TLK2: variants seen among roughly 807,000 people sequenced by gnomAD.
TLK2 encodes serine/threonine-protein kinase tousled-like 2.
In TLK2, 6 loss-of-function variants were observed where a neutral mutation model predicts 117.3. The ratio of observed to expected loss-of-function variants is 0.05; its 90% CI spans 0.03 to 0.10. The LOEUF (loss-of-function observed/expected upper bound fraction) is 0.10. Ranked by LOEUF, TLK2 falls within the 10% of genes least tolerant of loss-of-function variation. The pLI is 1.00. For synonymous variants in TLK2, 257 were observed against 316.7 expected (o/e 0.81, Z 2.00); for missense variants, 299 against 901.2 (o/e 0.33, Z 8.56).
At chr17:62,593,153 A>G (rs1808830556) in intron 16 of TLK2, among the ~76,000 whole-genome samples, 1 of 152,178 alleles carries the variant, frequency 6.6e-6, no homozygotes, top group Admixed American at 6.5e-5. Context: ...TGTGTTACTA[A>G]TTGTGTATCT....
At chr17:62,498,652 A>G (rs2073929333) in intron 2 of TLK2, among the ~76,000 whole-genome samples, 1 of 152,060 alleles carries the variant, frequency 6.6e-6, no homozygotes, top group African/African-American at 2.4e-5. Flanking sequence ...TGGCCTCCCA[A>G]AGTGCTGGGA....
intron 1 of TLK2, among the ~76,000 whole-genome samples, chr17:62,471,886 G>GTTTTTTT (rs1179717599): frequency 7.7e-5 from 3 of 38,996 alleles, no homozygotes; most frequent in African/African-American, 1.5e-4. Flanking sequence ...AGGTAGTATA[G>GTTTTTTT]TCTTTTTTTT....
At chr17:62,502,527 A>G (rs2074291917) in intron 2 of TLK2, among the ~76,000 whole-genome samples, 1 of 152,228 alleles carries the variant, frequency 6.6e-6, no homozygotes. Context: ...AACATGTTCC[A>G]AAGGTCCTAG....
intron 16 of TLK2, among the ~76,000 whole-genome samples, chr17:62,591,460 A>G (rs2082077658): frequency 6.6e-6 from 1 of 152,084 alleles, no homozygotes; most frequent in Admixed American, 6.5e-5. Flanking sequence ...CAAAACATCC[A>G]GTCCAGTGGT....
chr17:62,561,540 A>G (rs2079277325), intron 10 of TLK2, among the ~76,000 whole-genome samples: 1 of 152,204 alleles, frequency 6.6e-6, no homozygotes, highest in Non-Finnish European at 1.5e-5. Context: ...AGAAGACAGT[A>G]CTTCCTAATG....
chr17:62,502,029 A>ATTTTTTTTTTTTTTTTTT (rs371212708), intron 2 of TLK2, among the ~76,000 whole-genome samples: 75 of 137,424 alleles, frequency 5.5e-4, no homozygotes, highest in African/African-American at 1.8e-3. Context: ...AAAAATACCA[A>ATTTTTTTTTTTTTTTTTT]TTTTTTTTTT....
In TLK2 at chr17:62,564,707, T is replaced by TAA. The variant is rs373536254; in HGVS notation, c.832-284_832-283dup. Among the ~76,000 whole-genome samples, 13 of 143,084 alleles carry TAA rather than the reference T, an allele frequency of 9.1e-5. No individual in the cohort carries two copies. In the South Asian group the frequency reaches 2.2e-3, roughly 25 times the overall value. 93.9% of individuals were successfully genotyped at this position (143,084 alleles called of 152,430 possible). A position where few individuals can be genotyped will look rare whatever the true frequency, so the allele number is the denominator to read the frequency against. ...TGGGTGATAGAGCAAGACTCTGTCT[T>TAA]AAAAAAAAAAACAAACAAAAAACCA... On this transcript the variant is annotated intron_variant, in intron 10 of 21. Transcript: ENST00000346027.
chr17:62,548,240 A>ATGTGTGTGTGTGTGTG (rs59375141), intron 7 of TLK2, among the ~76,000 whole-genome samples: 258 of 121,288 alleles, frequency 2.1e-3, no homozygotes, highest in African/African-American at 5.5e-3. Context: ...ATATATATAT[A>ATGTGTGTGTGTGTGTG]TGTGTGTGTG....
At chr17:62,590,757 G>T (rs971493709) in intron 16 of TLK2, among the ~76,000 whole-genome samples, 1 of 152,158 alleles carries the variant, frequency 6.6e-6, no homozygotes, top group Non-Finnish European at 1.5e-5. Flanking sequence ...GGGATTACAG[G>T]CATGAGCCAC....
chr17:62,481,352 C>T lies in TLK2; in HGVS notation c.81+146C>T, dbSNP rs2071623014. The T allele has an allele frequency of 5.1e-6, 4 of 776,878 alleles. No homozygotes were observed. The South Asian group carries it at 5.2e-5, about 10-fold the overall frequency. 48.1% of individuals were successfully genotyped at this position (776,878 alleles called of 1,614,324 possible). A position where few individuals can be genotyped will look rare whatever the true frequency, so the allele number is the denominator to read the frequency against. On this transcript the variant is annotated intron_variant, in intron 2 of 21. Coordinates refer to ENST00000346027, the MANE Select transcript of TLK2 (RefSeq NM_006852.6). ...AATTTCAGTGAACTTTTAGATCCTA[C>T]TGGTCATTCCAGTAGTCATTTAACA...
intron 16 of TLK2, among the ~76,000 whole-genome samples, chr17:62,588,498 T>C (rs926248132): frequency 1.3e-5 from 2 of 152,222 alleles, no homozygotes; most frequent in South Asian, 2.1e-4. Flanking sequence ...CAGGCTGGCA[T>C]TGGTGCCTTT....
At chr17:62,500,444 G>A (rs569562924) in intron 2 of TLK2, among the ~76,000 whole-genome samples, 118 of 152,170 alleles carry the variant, frequency 7.8e-4, no homozygotes, top group African/African-American at 2.7e-3. Flanking sequence ...AAGACACAGC[G>A]GTCCTAAATG....
At chr17:62,574,122 C>T (rs536326245) in intron 12 of TLK2, among the ~76,000 whole-genome samples, 4 of 152,250 alleles carry the variant, frequency 2.6e-5, no homozygotes, top group Admixed American at 2.6e-4. Context: ...TTTATGTTTT[C>T]ATATTAGTTC....
Position 62,608,160 on chromosome 17 carries a change from T to G in TLK2, c.2079+12T>G. 6.2e-7 allele frequency: 1 copy of G among 1,607,778 alleles called. No homozygotes were observed. Among genetic ancestry groups the G allele is most frequent in the East Asian group, 2.2e-5 (1 of 44,850 alleles). ...CACCTGAAGCAAAGGTAAGTTTTGT[T>G]TGACCCATTGGCCAACAGAAACGGC... is the stretch of plus-strand genomic sequence containing the variant. On this transcript the variant is annotated intron_variant, in intron 21 of 21. Transcript: ENST00000346027.
chr17:62,474,827 CTT>C (rs748987436), upstream of TLK2, among the ~76,000 whole-genome samples: 50 of 140,236 alleles, frequency 3.6e-4, no homozygotes, highest in Admixed American at 5.0e-4. Flanking sequence ...CACCTGGCCT[CTT>C]TTTTTTTTTT....
intron 2 of TLK2, among the ~76,000 whole-genome samples, chr17:62,503,666 G>A (rs916428036): frequency 8.6e-5 from 13 of 151,334 alleles, no homozygotes; most frequent in Admixed American, 6.6e-4. Context: ...TGATCCTCCC[G>A]CCCCAGTCTC....
upstream of TLK2, among the ~76,000 whole-genome samples, chr17:62,474,207 C>A (rs143469862): frequency 0.017 from 2,536 of 145,412 alleles, 65 homozygotes; most frequent in African/African-American, 0.06. Flanking sequence ...GCCTCCCCAG[C>A]AGCTGGGACT....
intron 9 of TLK2, among the ~76,000 whole-genome samples, chr17:62,559,422 A>G (rs2079094350): frequency 6.7e-6 from 1 of 149,144 alleles, no homozygotes; most frequent in African/African-American, 2.5e-5. Context: ...TCTGTCACCT[A>G]GGCTGGAGTG....
chr17:62,591,025 G>A (rs1186646577), intron 16 of TLK2, among the ~76,000 whole-genome samples: 1 of 152,186 alleles, frequency 6.6e-6, no homozygotes, highest in East Asian at 1.9e-4. Flanking sequence ...GCCGAGGCCG[G>A]TGGATCATGA....
Sources: gnomAD v4.1 joint callset for allele counts (sites outside exome capture counted in the v4.1 genomes callset) on GRCh38, gnomAD v4.1.1 for gene constraint, MANE v1.5 for transcripts, NCBI Gene and HGNC (gene_info 2026-07-23, HGNC 2026-07-21) for gene names.